DCC: variants seen among roughly 807,000 people sequenced by gnomAD.
The protein encoded by DCC is netrin receptor DCC.
DCC carries 58 observed loss-of-function variants against 172.5 expected under a neutral mutation model. The observed-to-expected ratio is 0.34, with a 90% CI of 0.27 to 0.42. The LOEUF (loss-of-function observed/expected upper bound fraction) is 0.42. Ranked by LOEUF, DCC falls within the 10% of genes least tolerant of loss-of-function variation. The pLI is 1.00. For synonymous variants in DCC, 709 were observed against 644.5 expected (o/e 1.10, Z -1.52); for missense variants, 1,740 against 1,791.0 (o/e 0.97, Z 0.51).
chr18:52,516,234 G>A (rs1280265716), intron 1 of DCC, among the ~76,000 whole-genome samples: 3 of 152,172 alleles, frequency 2.0e-5, no homozygotes, highest in South Asian at 4.2e-4. Flanking sequence ...TGTACTCCTG[G>A]GCATTTATTT....
At chr18:52,721,197 C>T (rs964443566) in intron 1 of DCC, among the ~76,000 whole-genome samples, 1 of 152,172 alleles carries the variant, frequency 6.6e-6, no homozygotes, top group African/African-American at 2.4e-5. Flanking sequence ...TTGAAATCAA[C>T]AGGACCGTAT....
intron 12 of DCC, among the ~76,000 whole-genome samples, chr18:53,229,180 T>C (rs1231024499): frequency 6.6e-6 from 1 of 152,122 alleles, no homozygotes; most frequent in Non-Finnish European, 1.5e-5. Context: ...ACTTTTGTAA[T>C]GGAATAAAAT....
Position 52,946,194 on chromosome 18 carries a change from A to G in DCC, c.985+20824A>G, listed in dbSNP as rs540351061. ...GATTTACATAGCAGCATCTGTAACA[A>G]CTAATTGTACCTCTTTGTTTACAGC... On this transcript the variant is annotated intron_variant, in intron 5 of 28. Coordinates refer to ENST00000442544, the MANE Select transcript of DCC (RefSeq NM_005215.4). Among the ~76,000 whole-genome samples, 8 of 152,338 alleles carry G rather than the reference A, an allele frequency of 5.3e-5. No individual in the cohort carries two copies. In the South Asian group the frequency reaches 1.7e-3, roughly 32 times the overall value.
chr18:53,152,125 A>C (rs1334564721), intron 7 of DCC, among the ~76,000 whole-genome samples: 1 of 152,224 alleles, frequency 6.6e-6, no homozygotes, highest in Non-Finnish European at 1.5e-5. Context: ...CTAATAAAGC[A>C]GATGCAGCTA....
At chr18:53,486,201 G>T (rs1441120290) in intron 25 of DCC, among the ~76,000 whole-genome samples, 1 of 152,072 alleles carries the variant, frequency 6.6e-6, no homozygotes, top group Non-Finnish European at 1.5e-5. Context: ...AAAAAAAGTT[G>T]ATATTCCTGA....
intron 2 of DCC, among the ~76,000 whole-genome samples, chr18:52,880,961 AT>A (rs1302349094): frequency 6.6e-6 from 1 of 152,018 alleles, no homozygotes; most frequent in Non-Finnish European, 1.5e-5. Flanking sequence ...GGGTTGTCTA[AT>A]TTACTTTCCC....
chr18:53,061,850 A>G (rs1202139623), intron 5 of DCC, among the ~76,000 whole-genome samples: 1 of 152,156 alleles, frequency 6.6e-6, no homozygotes, highest in African/African-American at 2.4e-5. Context: ...TAAAGGGCTT[A>G]GGATAATAAA....
intron 5 of DCC, among the ~76,000 whole-genome samples, chr18:53,046,885 A>G (rs2042245884): frequency 6.6e-6 from 1 of 151,742 alleles, no homozygotes; most frequent in Non-Finnish European, 1.5e-5. Flanking sequence ...CTCTCTCTAC[A>G]ACACAGCCAG....
chr18:52,464,189 C>T (rs1988714405), intron 1 of DCC, among the ~76,000 whole-genome samples: 2 of 152,110 alleles, frequency 1.3e-5, no homozygotes, highest in South Asian at 4.1e-4. Context: ...ATAGAATGTT[C>T]TCAGTATATG....
intron 1 of DCC, among the ~76,000 whole-genome samples, chr18:52,738,923 G>GT (rs2036772159): frequency 6.8e-6 from 1 of 147,424 alleles, no homozygotes; most frequent in African/African-American, 2.5e-5. Flanking sequence ...AAAAAAGAAT[G>GT]TTTTTGTAGA....
intron 26 of DCC, among the ~76,000 whole-genome samples, chr18:53,494,303 G>C (rs2045993337): frequency 1.3e-5 from 2 of 152,202 alleles, no homozygotes; most frequent in Non-Finnish European, 2.9e-5. Flanking sequence ...ATATTCTGTT[G>C]ATGTGGGCTG....
intron 22 of DCC, among the ~76,000 whole-genome samples, chr18:53,438,890 G>A (rs1912104532): frequency 6.6e-6 from 1 of 152,196 alleles, no homozygotes; most frequent in South Asian, 2.1e-4. Flanking sequence ...AAGTCGTGAA[G>A]ATTAAATAGA....
At chr18:53,133,656 G>A (rs1213333370) in intron 7 of DCC, among the ~76,000 whole-genome samples, 4 of 152,114 alleles carry the variant, frequency 2.6e-5, no homozygotes, top group African/African-American at 9.7e-5. Flanking sequence ...AACTATTAGT[G>A]GTACATTAGC....
At chr18:52,741,743 T>C (rs73957651) in intron 1 of DCC, among the ~76,000 whole-genome samples, 1 of 152,248 alleles carries the variant, frequency 6.6e-6, no homozygotes, top group African/African-American at 2.4e-5. Flanking sequence ...AACTCTCTCA[T>C]TCACTCCAAC....
chr18:52,780,800 G>A (rs866198237), intron 2 of DCC, among the ~76,000 whole-genome samples: 3 of 152,222 alleles, frequency 2.0e-5, no homozygotes, highest in South Asian at 2.1e-4. Context: ...AGACCTTTCT[G>A]CTTTTGCTGT....
chr18:53,448,055 T>TTGTTG (rs950501179), intron 22 of DCC, among the ~76,000 whole-genome samples: 1 of 149,562 alleles, frequency 6.7e-6, no homozygotes, highest in African/African-American at 2.5e-5. Context: ...GAGTTTTTTT[T>TTGTTG]TTTTTTTTTT....
In DCC at chr18:52,652,370, C is replaced by T. The variant is rs142456371; in HGVS notation, c.92-99684C>T. ...CAAGTGCAAAGAACAAAAATTTCAG[C>T]CACTCCCTGATCCTTTTCTTGCAAG... On this transcript the variant is annotated intron_variant, in intron 1 of 28. Transcript: ENST00000442544. Among the ~76,000 whole-genome samples, 1,193 of 152,290 alleles carry T rather than the reference C, an allele frequency of 7.8e-3. 20 individuals carry two copies. Among genetic ancestry groups the T allele is most frequent in the South Asian group, 0.058 (279 of 4,820 alleles).
chr18:52,398,585 G>C (rs768190987), intron 1 of DCC, among the ~76,000 whole-genome samples: 2 of 151,874 alleles, frequency 1.3e-5, no homozygotes, highest in Non-Finnish European at 2.9e-5. Flanking sequence ...AATTGATGCT[G>C]GAAGAATACA....
chr18:53,067,930 A>T (rs2042597386), intron 7 of DCC, among the ~76,000 whole-genome samples: 1 of 152,236 alleles, frequency 6.6e-6, no homozygotes, highest in East Asian at 1.9e-4. Flanking sequence ...CACCCCAGCC[A>T]GTTAGCTGAA....
Sources: allele counts gnomAD v4.1 joint callset (sites outside exome capture counted in the v4.1 genomes callset), GRCh38; gene constraint gnomAD v4.1.1; transcripts MANE v1.5; gene names NCBI Gene and HGNC (gene_info 2026-07-23, HGNC 2026-07-21).